The following WDR19 variants were observed in gnomAD, a reference collection of about 807,000 sequenced individuals.
The protein encoded by WDR19 is WD repeat domain 19, also known as WD repeat-containing protein 19.
WDR19 carries 121 observed loss-of-function variants against 180.0 expected under a neutral mutation model. The ratio of observed to expected loss-of-function variants is 0.67; its 90% CI spans 0.58 to 0.78. The LOEUF (loss-of-function observed/expected upper bound fraction) is 0.78, where lower values mean the gene tolerates loss of function less well. Ranked by LOEUF, WDR19 falls within the 30% of genes least tolerant of loss-of-function variation. The pLI is 0.00. For synonymous variants in WDR19, 497 were observed against 540.7 expected (o/e 0.92, Z 1.12); for missense variants, 1,450 against 1,640.7 (o/e 0.88, Z 2.01).
intron 30 of WDR19, among the ~76,000 whole-genome samples, chr4:39,268,956 G>A (rs1215906450): frequency 2.0e-5 from 3 of 152,166 alleles, no homozygotes; most frequent in Non-Finnish European, 2.9e-5. Context: ...GGATGGAGAC[G>A]AGAGAAGGCA....
chr4:39,202,013 A>T (rs376478669), intron 6 of WDR19, among the ~76,000 whole-genome samples: 99 of 152,254 alleles, frequency 6.5e-4, no homozygotes, highest in African/African-American at 2.1e-3. Flanking sequence ...ATTTTTATTT[A>T]TCCTGCTCAG....
chr4:39,234,059 C>T (rs959901346), intron 19 of WDR19, among the ~76,000 whole-genome samples: 1 of 152,110 alleles, frequency 6.6e-6, no homozygotes, highest in Non-Finnish European at 1.5e-5. Context: ...GTTTCTGGAT[C>T]TCTAAAATGG....
chr4:39,259,218 G>A (rs1013766648), intron 28 of WDR19, among the ~76,000 whole-genome samples: 11 of 152,286 alleles, frequency 7.2e-5, no homozygotes, highest in African/African-American at 2.4e-4. Flanking sequence ...TAAGGTAGGG[G>A]TCAAGGATAT....
At chr4:39,236,763 G>A (rs1250376241) in intron 20 of WDR19, among the ~76,000 whole-genome samples, 1 of 152,140 alleles carries the variant, frequency 6.6e-6, no homozygotes, top group Non-Finnish European at 1.5e-5. Flanking sequence ...GCATGAATAG[G>A]AGTCACAAAT....
chr4:39,245,323 G>A (rs1220590065), intron 23 of WDR19, 46 bp from the exon 24 acceptor site: 1 of 1,466,858 alleles, frequency 6.8e-7, no homozygotes, highest in Admixed American at 1.9e-5. Context: ...GCTACTTTTG[G>A]AGTGAACACA....
chr4:39,217,869 G>T (rs1435079665), intron 13 of WDR19, 114 bp from the exon 14 acceptor site: 2 of 1,338,630 alleles, frequency 1.5e-6, no homozygotes, highest in South Asian at 2.9e-5. Context: ...CTGACCTCTC[G>T]TAGTCTTGGG....
chr4:39,257,405 T>G (rs1733866036), intron 27 of WDR19, 81 bp from the exon 28 acceptor site: 1 of 1,289,706 alleles, frequency 7.8e-7, no homozygotes, highest in Non-Finnish European at 1.1e-6. Context: ...AATTACTTTG[T>G]GTTAAAGCTG....
In WDR19 at chr4:39,270,049, C is replaced by G. The variant is rs1225242307; in HGVS notation, c.3432C>G (p.Pro1144=). The change falls in exon 31 of 37, where the codon CCC becomes CCG. Residue 1144 remains proline (P), a synonymous_variant. Transcript: ENST00000399820. The part of the protein sequence containing the change: ...AELKSQKIKI[P]SEMATNLMIL... ...TGAAATCCCAGAAGATCAAAATTCC[C>G]TCCGAGATGGCCACCAACCTCATGA... The G allele has an allele frequency of 6.2e-7, 1 of 1,613,854 alleles. No homozygotes were observed. Among genetic ancestry groups the G allele is most frequent in the Non-Finnish European group, 8.5e-7 (1 of 1,179,864 alleles).
chr4:39,268,094 A>G lies in WDR19; in HGVS notation c.3358+3A>G, dbSNP rs1263454874. 3.8e-6 allele frequency: 6 copies of G among 1,576,188 alleles called. No homozygotes were observed. The highest frequency in any genetic ancestry group is 4.3e-6 in the Non-Finnish European group (5 of 1,159,290). On this transcript the variant is annotated splice_donor_region_variant and intron_variant, in intron 30 of 36. Coordinates refer to ENST00000399820, the MANE Select transcript of WDR19 (RefSeq NM_025132.4). Reference sequence around the variant, plus strand: ...TGCCAGAGAAGAGCAGTCTGCAGGTAGGTCCGTGATACGTATGTGTTACTT... The same window carrying G: ...TGCCAGAGAAGAGCAGTCTGCAGGTGGGTCCGTGATACGTATGTGTTACTT...
In WDR19 at chr4:39,227,090, C is replaced by T. The variant is rs533328876; in HGVS notation, c.1630-1120C>T. On this transcript the variant is annotated intron_variant, in intron 15 of 36. Coordinates refer to ENST00000399820, the MANE Select transcript of WDR19 (RefSeq NM_025132.4). ...GATATTTTACAATCTTTTTTTCATG[C>T]GAACTCTCTGTGTAGTTTACACTTA... is the stretch of plus-strand genomic sequence containing the variant. 5.3e-5 allele frequency among the ~76,000 whole-genome samples: 8 copies of T among 152,036 alleles called. No individual in the cohort carries two copies. The South Asian group carries it at 1.0e-3, about 20-fold the overall frequency.
chr4:39,211,925 CAGACAGAGAGAGAG>C (rs1161181410), intron 9 of WDR19, among the ~76,000 whole-genome samples: 2 of 117,184 alleles, frequency 1.7e-5, no homozygotes, highest in African/African-American at 6.7e-5. Context: ...CTAATATAGA[CAGACAGAGAGAGAG>C]AGAGAGAGAG....
chr4:39,235,974 C>G (rs183195841), intron 20 of WDR19, among the ~76,000 whole-genome samples: 53 of 152,078 alleles, frequency 3.5e-4, no homozygotes, highest in African/African-American at 1.2e-3. Flanking sequence ...ATTAAAAAGT[C>G]TAAAAATAAT....
chr4:39,194,027 G>A (rs1290632891), intron 4 of WDR19, among the ~76,000 whole-genome samples: 1 of 152,164 alleles, frequency 6.6e-6, no homozygotes, highest in Non-Finnish European at 1.5e-5. Context: ...CTCATGAATC[G>A]TAGAATGCAT....
At chr4:39,268,560 T>G (rs1735033557) in intron 30 of WDR19, among the ~76,000 whole-genome samples, 1 of 152,236 alleles carries the variant, frequency 6.6e-6, no homozygotes, top group Non-Finnish European at 1.5e-5. Context: ...ACATGTGCTC[T>G]GTCAATACTT....
chr4:39,284,196 T>TATC (rs1736892932), intron 36 of WDR19, among the ~76,000 whole-genome samples: 1 of 152,124 alleles, frequency 6.6e-6, no homozygotes, highest in East Asian at 1.9e-4. Flanking sequence ...ACTCCAGTAA[T>TATC]ATCTGTGTTT....
chr4:39,234,457 C>T (rs1043062481), intron 19 of WDR19, among the ~76,000 whole-genome samples: 1 of 152,028 alleles, frequency 6.6e-6, no homozygotes, highest in Non-Finnish European at 1.5e-5. Flanking sequence ...TTTGATTACT[C>T]CTTGCTGAGA....
intron 14 of WDR19, 62 bp from the exon 15 acceptor site, chr4:39,224,822 A>C: frequency 7.3e-7 from 1 of 1,375,472 alleles, no homozygotes; most frequent in Non-Finnish European, 9.7e-7. Context: ...TTAAATGTTG[A>C]AAGTTAGGAT....
chr4:39,277,098 C>T lies in WDR19; in HGVS notation c.3795C>T (p.Leu1265=), dbSNP rs781141551. ...AATTTCTTCTCCCAGAGTGTGAACT[C>T]CTCTGTCCTGGATGTAAAAACAGTA... The part of the protein sequence containing the change: ...FCKFLLPECE[L]LCPGCKNSIP... Residue 1265 remains leucine (L), a synonymous_variant, in exon 34 of 37, where the codon CTC becomes CTT. Transcript: ENST00000399820. The T allele has an allele frequency of 8.7e-6, 14 of 1,613,746 alleles. No individual in the cohort carries two copies. In the South Asian group the frequency reaches 1.4e-4, roughly 16 times the overall value.
At chr4:39,226,519 C>T (rs1730273302) in intron 15 of WDR19, among the ~76,000 whole-genome samples, 1 of 152,192 alleles carries the variant, frequency 6.6e-6, no homozygotes, top group Admixed American at 6.5e-5. Flanking sequence ...ATGTGCTCAT[C>T]TATACAAAGT....
Sources: allele counts gnomAD v4.1 joint callset (sites outside exome capture counted in the v4.1 genomes callset), GRCh38; gene constraint gnomAD v4.1.1; transcripts MANE v1.5; gene names NCBI Gene and HGNC (gene_info 2026-07-23, HGNC 2026-07-21).